The following MEGF9 variants were observed in gnomAD, a reference collection of about 807,000 sequenced individuals.
The protein encoded by MEGF9 is multiple epidermal growth factor-like domains protein 9.
A neutral mutation model predicts 46.8 loss-of-function variants in MEGF9; 6 were observed. That is an observed-to-expected ratio of 0.13 (90% CI 0.07 to 0.25). MEGF9 has a LOEUF of 0.25. MEGF9 is among the 10% of genes least tolerant of loss of function. MEGF9 has a pLI of 1.00. For missense variants in MEGF9, 683 were observed against 792.4 expected (o/e 0.86, Z 1.66); for synonymous variants, 302 against 330.7 (o/e 0.91, Z 0.94).
chr9:120,701,864 G>A (rs1369222343), intron 1 of MEGF9, among the ~76,000 whole-genome samples: 1 of 152,036 alleles, frequency 6.6e-6, no homozygotes, highest in Non-Finnish European at 1.5e-5. Context: ...CTAATATGCT[G>A]AAACCCCGTC....
intron 2 of MEGF9, among the ~76,000 whole-genome samples, chr9:120,646,166 A>G (rs1388614801): frequency 6.6e-6 from 1 of 151,956 alleles, no homozygotes; most frequent in African/African-American, 2.4e-5. Context: ...TCTTCTGACT[A>G]CTCTCCATAT....
intron 1 of MEGF9, among the ~76,000 whole-genome samples, chr9:120,707,229 T>A (rs936414283): frequency 2.6e-5 from 4 of 152,218 alleles, no homozygotes; most frequent in Non-Finnish European, 4.4e-5. Flanking sequence ...ATTACTATTA[T>A]AGTAGTCCAC....
intron 1 of MEGF9, among the ~76,000 whole-genome samples, chr9:120,679,637 G>C (rs940011893): frequency 6.6e-6 from 1 of 151,980 alleles, no homozygotes; most frequent in African/African-American, 2.4e-5. Context: ...AAAAAAAAGA[G>C]AGAGAGACAG....
At chr9:120,672,543 C>G (rs572172805) in intron 1 of MEGF9, among the ~76,000 whole-genome samples, 1 of 152,216 alleles carries the variant, frequency 6.6e-6, no homozygotes, top group South Asian at 2.1e-4. Flanking sequence ...ATCACTTGAG[C>G]CCAGGAGGTC....
intron 2 of MEGF9, among the ~76,000 whole-genome samples, chr9:120,651,574 G>A (rs1411318096): frequency 6.6e-6 from 1 of 151,860 alleles, no homozygotes; most frequent in Non-Finnish European, 1.5e-5. Flanking sequence ...AAAGGGCTTA[G>A]GATAATGCCT....
At chr9:120,696,093 T>G (rs973972486) in intron 1 of MEGF9, among the ~76,000 whole-genome samples, 1 of 152,244 alleles carries the variant, frequency 6.6e-6, no homozygotes, top group Non-Finnish European at 1.5e-5. Flanking sequence ...TGAGTGGTGA[T>G]GTCAGTGGCA....
At chr9:120,698,159 A>G (rs557966986) in intron 1 of MEGF9, among the ~76,000 whole-genome samples, 1 of 152,350 alleles carries the variant, frequency 6.6e-6, no homozygotes. Context: ...AAGTTATAAT[A>G]GGTTATAATA....
At chr9:120,620,538 AAGT>A (rs1416852065) in intron 3 of MEGF9, among the ~76,000 whole-genome samples, 3 of 152,216 alleles carry the variant, frequency 2.0e-5, no homozygotes, top group Admixed American at 2.0e-4. Context: ...GAAAAAATAC[AAGT>A]ATATGTGAGA....
chr9:120,651,873 G>A (rs967160602), intron 2 of MEGF9, among the ~76,000 whole-genome samples: 16 of 151,358 alleles, frequency 1.1e-4, no homozygotes, highest in Middle Eastern at 3.4e-3. Context: ...GGCTGGTCTC[G>A]AACTCCTGAC....
chr9:120,632,355 G>T (rs2043554428), intron 2 of MEGF9, among the ~76,000 whole-genome samples: 2 of 140,178 alleles, frequency 1.4e-5, no homozygotes, highest in Non-Finnish European at 1.5e-5. Flanking sequence ...TTTTTTTGGA[G>T]CTATTTTAAA....
chr9:120,691,951 G>A (rs965149561), intron 1 of MEGF9, among the ~76,000 whole-genome samples: 1 of 152,102 alleles, frequency 6.6e-6, no homozygotes, highest in Non-Finnish European at 1.5e-5. Flanking sequence ...TAGGTACTTC[G>A]AATACTGAAT....
intron 1 of MEGF9, among the ~76,000 whole-genome samples, chr9:120,659,855 G>T (rs1391018762): frequency 6.7e-6 from 1 of 149,520 alleles, no homozygotes; most frequent in Non-Finnish European, 1.5e-5. Flanking sequence ...GCCACCAAAG[G>T]CAGGCTTATC....
intron 1 of MEGF9, among the ~76,000 whole-genome samples, chr9:120,671,477 G>A (rs2043748774): frequency 6.6e-6 from 1 of 152,042 alleles, no homozygotes; most frequent in Non-Finnish European, 1.5e-5. Context: ...ACATCACTAC[G>A]GGGAATATTA....
intron 3 of MEGF9, among the ~76,000 whole-genome samples, chr9:120,613,036 T>C (rs376911933): frequency 6.6e-6 from 1 of 151,956 alleles, no homozygotes; most frequent in African/African-American, 2.4e-5. Context: ...AGGATTTCAC[T>C]GTGTTGCCCA....
intron 2 of MEGF9, among the ~76,000 whole-genome samples, chr9:120,655,692 G>GT (rs2043673634): frequency 6.6e-6 from 1 of 152,142 alleles, no homozygotes; most frequent in South Asian, 2.1e-4. Context: ...TTCCTAAAGT[G>GT]TAACTAAAAC....
chr9:120,663,717 T>C (rs2043712837), intron 1 of MEGF9, among the ~76,000 whole-genome samples: 1 of 152,218 alleles, frequency 6.6e-6, no homozygotes, highest in Non-Finnish European at 1.5e-5. Context: ...GAACAGCTCA[T>C]TCAATTGCCT....
At chr9:120,659,031 T>A (rs1259265553) in intron 2 of MEGF9, among the ~76,000 whole-genome samples, 8 of 152,152 alleles carry the variant, frequency 5.3e-5, no homozygotes, top group Non-Finnish European at 4.4e-5. Context: ...TTAATAAACA[T>A]AAGAACATTT....
chr9:120,611,905 G>C lies in MEGF9; in HGVS notation c.1087+491C>G, dbSNP rs541115361. On this transcript the variant is annotated intron_variant, in intron 4 of 5. Transcript: ENST00000373930. The stretch of plus-strand genomic sequence containing the variant: ...AGAGAGAAAGAAAGAAAGAAAGAAA[G>C]GAAAAAATTCAAACCAGCACCACCC... 6.6e-5 allele frequency among the ~76,000 whole-genome samples: 10 copies of C among 151,318 alleles called. No homozygotes were observed. The East Asian group carries it at 1.7e-3, about 26-fold the overall frequency.
At chr9:120,689,639 G>T (rs2043839467) in intron 1 of MEGF9, among the ~76,000 whole-genome samples, 1 of 152,082 alleles carries the variant, frequency 6.6e-6, no homozygotes, top group Non-Finnish European at 1.5e-5. Context: ...CATTACCTGT[G>T]CACCAGATGG....
Sources: gnomAD v4.1 joint callset for allele counts (sites outside exome capture counted in the v4.1 genomes callset) on GRCh38, gnomAD v4.1.1 for gene constraint, MANE v1.5 for transcripts, NCBI Gene and HGNC (gene_info 2026-07-23, HGNC 2026-07-21) for gene names.